The following TMTC2 variants were observed in gnomAD, a reference collection of about 807,000 sequenced individuals.
The protein encoded by TMTC2 is protein O-mannosyl-transferase TMTC2.
TMTC2 carries 43 observed loss-of-function variants against 82.4 expected under a neutral mutation model. The ratio of observed to expected loss-of-function variants is 0.52; its 90% CI spans 0.41 to 0.67. The LOEUF (loss-of-function observed/expected upper bound fraction) is 0.67, where lower values mean the gene tolerates loss of function less well. Among genes scored for constraint, TMTC2 ranks in the 30% least tolerant of loss-of-function variants. TMTC2 has a pLI of 0.00. For synonymous variants in TMTC2, 408 were observed against 381.9 expected (o/e 1.07, Z -0.80); for missense variants, 919 against 1,012.4 (o/e 0.91, Z 1.25).
intron 8 of TMTC2, among the ~76,000 whole-genome samples, chr12:82,994,468 T>C (rs2137353956): frequency 6.6e-6 from 1 of 152,302 alleles, no homozygotes; most frequent in Non-Finnish European, 1.5e-5. Flanking sequence ...CTTGTCTGTT[T>C]GGTTTCTGTA....
At chr12:82,999,434 GTTCCCCA>G (rs1477944942) in intron 8 of TMTC2, among the ~76,000 whole-genome samples, 1 of 152,132 alleles carries the variant, frequency 6.6e-6, no homozygotes, top group East Asian at 1.9e-4. Flanking sequence ...TTTTGTCAGA[GTTCCCCA>G]TTGTAAAGAC....
rs149793520 is a variant in TMTC2, at chr12:83,107,813, C to T, written c.2332-24397C>T. 7.0e-4 allele frequency among the ~76,000 whole-genome samples: 107 copies of T among 152,124 alleles called. 1 individual carries two copies. The East Asian group carries it at 0.012, about 17-fold the overall frequency. On this transcript the variant is annotated intron_variant, in intron 11 of 11. Transcript: ENST00000321196. Reference sequence around the variant, plus strand: ...GAGATTATCACTATTTAAATCACCACGCTGAATTTTGAAGTTTAGTCTTTG... The same window carrying T: ...GAGATTATCACTATTTAAATCACCATGCTGAATTTTGAAGTTTAGTCTTTG...
At position 83,092,431 on chromosome 12, in the gene TMTC2, G is replaced by C. The variant is rs568701119; in HGVS notation, c.2331+30600G>C. On this transcript the variant is annotated intron_variant, in intron 11 of 11. Coordinates refer to ENST00000321196, the MANE Select transcript of TMTC2 (RefSeq NM_152588.3). ...GGGTAAGAGTTTCCTTTTATGGAAG[G>C]TACACATATCCATTCAGGTCACGTT... Among the ~76,000 whole-genome samples the C allele has an allele frequency of 6.6e-5, 10 of 152,272 alleles. 1 individual carries two copies. The South Asian group carries it at 2.1e-3, about 32-fold the overall frequency.
chr12:82,755,348 A>G (rs945258248), intron 1 of TMTC2, among the ~76,000 whole-genome samples: 1 of 152,016 alleles, frequency 6.6e-6, no homozygotes, highest in African/African-American at 2.4e-5. Context: ...GAAACCTCCT[A>G]TATTCTTTGT....
chr12:82,984,145 C>A (rs1385484576), intron 7 of TMTC2, among the ~76,000 whole-genome samples: 2 of 151,930 alleles, frequency 1.3e-5, no homozygotes, highest in East Asian at 3.9e-4. Flanking sequence ...TTCAGTATTT[C>A]TTTTGTCTTT....
At chr12:82,830,114 C>A (rs1180925465) in intron 1 of TMTC2, among the ~76,000 whole-genome samples, 1 of 152,086 alleles carries the variant, frequency 6.6e-6, no homozygotes, top group Non-Finnish European at 1.5e-5. Context: ...TGCCAGTGCC[C>A]TGAGAAAGCA....
intron 3 of TMTC2, 83 bp downstream of exon 3, chr12:82,896,729 T>C: frequency 8.8e-7 from 1 of 1,130,176 alleles, no homozygotes; most frequent in Non-Finnish European, 1.2e-6. Flanking sequence ...TAAAACACAG[T>C]ATTAAGGAGG....
chr12:83,025,459 A>G (rs1405833859), intron 8 of TMTC2, among the ~76,000 whole-genome samples: 2 of 151,814 alleles, frequency 1.3e-5, no homozygotes, highest in East Asian at 1.9e-4. Context: ...ATTTTCTCCT[A>G]TTATACTCTC....
chr12:83,089,606 G>A (rs899034322), intron 11 of TMTC2, among the ~76,000 whole-genome samples: 2 of 152,140 alleles, frequency 1.3e-5, no homozygotes, highest in Admixed American at 1.3e-4. Flanking sequence ...AAGCCAGCAT[G>A]AGGCCTAGGT....
rs539433707 is a variant in TMTC2, at chr12:82,890,546, A to T, written c.655-5272A>T. ...AAACAAGAGTCCAACAACATTTTTA[A>T]TATCAGTACTAAGAATTAGAGTTGT... is the stretch of plus-strand genomic sequence containing the variant. On this transcript the variant is annotated intron_variant, in intron 2 of 11. Transcript: ENST00000321196. Among the ~76,000 whole-genome samples, 6 of 152,314 alleles carry T rather than the reference A, an allele frequency of 3.9e-5. No individual in the cohort carries two copies. The South Asian group carries it at 1.2e-3, about 32-fold the overall frequency.
In TMTC2 at chr12:82,896,346, G is replaced by A. The variant is rs772191640; in HGVS notation, c.1183G>A (p.Val395Ile). ...GCTTCCTTCTACGGAGAACATTGTT[G>A]TTCTGTCTTTATCTTTGTTAATCAT... ...TQLPSTENIV[V>I]LSLSLLIIPF... Residue 395 changes from valine (V) to isoleucine (I), a missense_variant, in exon 3 of 12, where the codon GTT (valine) becomes ATT (isoleucine). Coordinates refer to ENST00000321196, the MANE Select transcript of TMTC2 (RefSeq NM_152588.3). 3 of 1,614,006 alleles carry A rather than the reference G, an allele frequency of 1.9e-6. No individual in the cohort carries two copies. The African/African-American group carries it at 4.0e-5, about 22-fold the overall frequency.
intron 10 of TMTC2, among the ~76,000 whole-genome samples, chr12:83,056,286 G>A (rs1470283420): frequency 6.6e-6 from 1 of 151,880 alleles, no homozygotes; most frequent in East Asian, 1.9e-4. Flanking sequence ...GCTGAGACGT[G>A]TGCACTTTCC....
intron 11 of TMTC2, among the ~76,000 whole-genome samples, chr12:83,119,080 A>G (rs6539702): frequency 0.27 from 41,671 of 151,922 alleles, 6,788 homozygotes; most frequent in African/African-American, 0.47. Flanking sequence ...TATCGATTTT[A>G]TATATCTTTT....
chr12:83,061,662 G>C, intron 10 of TMTC2, 106 bp from the exon 11 acceptor site: 1 of 916,742 alleles, frequency 1.1e-6, no homozygotes, highest in Non-Finnish European at 1.6e-6. Context: ...TTATTGTTTG[G>C]TGTGACCAGA....
At chr12:82,916,091 TG>T (rs747401112) in intron 3 of TMTC2, among the ~76,000 whole-genome samples, 25 of 152,350 alleles carry the variant, frequency 1.6e-4, no homozygotes, top group South Asian at 8.3e-4. Flanking sequence ...GATGACTGCA[TG>T]GGCTATGCGA....
At chr12:82,964,640 C>T (rs3993375) in intron 4 of TMTC2, among the ~76,000 whole-genome samples, 107,772 of 151,978 alleles carry the variant, frequency 0.71, 39,964 homozygotes, top group East Asian at 0.96. Context: ...CATGTTTCCA[C>T]ATATACATAT....
chr12:82,710,388 C>T (rs1873565825), intron 1 of TMTC2, among the ~76,000 whole-genome samples: 1 of 152,196 alleles, frequency 6.6e-6, no homozygotes, highest in Admixed American at 6.5e-5. Flanking sequence ...TTGCCACCTC[C>T]ATTTTAGTTG....
intron 7 of TMTC2, among the ~76,000 whole-genome samples, chr12:82,976,089 C>T (rs1194144358): frequency 6.6e-6 from 1 of 152,114 alleles, no homozygotes; most frequent in Non-Finnish European, 1.5e-5. Flanking sequence ...CACACGTGCA[C>T]ATGCACACAC....
intron 3 of TMTC2, among the ~76,000 whole-genome samples, chr12:82,919,787 C>G (rs928433286): frequency 6.6e-6 from 1 of 152,212 alleles, no homozygotes; most frequent in Non-Finnish European, 1.5e-5. Context: ...TTTCCATGTC[C>G]CATATCCTGA....
Sources: allele counts gnomAD v4.1 joint callset (sites outside exome capture counted in the v4.1 genomes callset), GRCh38; gene constraint gnomAD v4.1.1; transcripts MANE v1.5; gene names NCBI Gene and HGNC (gene_info 2026-07-23, HGNC 2026-07-21).